PGCKA1: variants seen among roughly 807,000 people sequenced by gnomAD.
PGCKA1 encodes PDCD10 and GCKIII kinases-associated protein 1.
chr4:37,487,718 T>A, the PGCKA1 span, among the ~76,000 whole-genome samples: 1 of 152,172 alleles, frequency 6.6e-6, no homozygotes, highest in Non-Finnish European at 1.5e-5. Context: ...TTTAGCCTGT[T>A]CAAAACTTCA....
the PGCKA1 span, among the ~76,000 whole-genome samples, chr4:37,464,134 GCCC>G: frequency 3.9e-5 from 6 of 152,158 alleles, no homozygotes; most frequent in Non-Finnish European, 8.8e-5. Context: ...GTTTAAGTGA[GCCC>G]TTTGGAAAGA....
the PGCKA1 span, among the ~76,000 whole-genome samples, chr4:37,581,141 C>T: frequency 6.6e-6 from 1 of 151,790 alleles, no homozygotes; most frequent in South Asian, 2.1e-4. This position sits in a 1 kb window ranked among gnomAD's most constrained non-coding sequence, Gnocchi z 4.4. Context: ...GGGCAGTGGA[C>T]TTGCCTGTGG....
At chr4:37,563,612 C>T in the PGCKA1 span, among the ~76,000 whole-genome samples, 2 of 152,170 alleles carry the variant, frequency 1.3e-5, no homozygotes, top group Admixed American at 6.5e-5. Context: ...GGGGAAGACA[C>T]AATTCAGTCC....
the PGCKA1 span, chr4:37,454,060 C>G: frequency 6.5e-6 from 1 of 153,430 alleles, no homozygotes; most frequent in Non-Finnish European, 1.5e-5. Context: ...ATCCCCCGCC[C>G]CGCGCGCGCA....
chr4:37,522,044 A>T, the PGCKA1 span, among the ~76,000 whole-genome samples: 1 of 152,224 alleles, frequency 6.6e-6, no homozygotes, highest in South Asian at 2.1e-4. Flanking sequence ...TCATCCCAAG[A>T]TTCCATTGGG....
At chr4:37,514,125 A>G in the PGCKA1 span, among the ~76,000 whole-genome samples, 1 of 152,196 alleles carries the variant, frequency 6.6e-6, no homozygotes, top group Non-Finnish European at 1.5e-5. Context: ...ATTAGACTTA[A>G]TTTTGAAACC....
chr4:37,480,283 A>G, the PGCKA1 span, among the ~76,000 whole-genome samples: 6 of 152,340 alleles, frequency 3.9e-5, no homozygotes, highest in African/African-American at 1.4e-4. Context: ...ACTTAAGATC[A>G]GGAGTTCGAG....
At chr4:37,517,837 A>G in the PGCKA1 span, among the ~76,000 whole-genome samples, 1 of 152,194 alleles carries the variant, frequency 6.6e-6, no homozygotes, top group Admixed American at 6.5e-5. Flanking sequence ...GTGCTATCAA[A>G]TATTAGGTCT....
At chr4:37,552,970 C>T in the PGCKA1 span, among the ~76,000 whole-genome samples, 1 of 152,180 alleles carries the variant, frequency 6.6e-6, no homozygotes, top group African/African-American at 2.4e-5. Context: ...TCTTTTCTAC[C>T]TTTTTGCTTT....
chr4:37,466,005 T>G, the PGCKA1 span, among the ~76,000 whole-genome samples: 1 of 140,048 alleles, frequency 7.1e-6, no homozygotes, highest in African/African-American at 2.7e-5. Context: ...CTAGGAACAT[T>G]GGGAAGGGTA....
the PGCKA1 span, among the ~76,000 whole-genome samples, chr4:37,570,510 A>G: frequency 6.7e-6 from 1 of 149,750 alleles, no homozygotes; most frequent in South Asian, 2.1e-4. Flanking sequence ...ATTACTGTCT[A>G]TAATGTTGGG....
chr4:37,547,960 CAAAG>C, the PGCKA1 span, among the ~76,000 whole-genome samples: 2 of 51,718 alleles, frequency 3.9e-5, no homozygotes, highest in Non-Finnish European at 7.5e-5. Flanking sequence ...TCCAAAGACA[CAAAG>C]AAAGTTCTCT....
the PGCKA1 span, among the ~76,000 whole-genome samples, chr4:37,531,891 C>CAAAA: frequency 7.1e-5 from 5 of 70,660 alleles, no homozygotes; most frequent in Admixed American, 1.4e-4. Flanking sequence ...GAATCTGTCT[C>CAAAA]AAAAAAAAAA....
At chr4:37,542,007 T>A in the PGCKA1 span, among the ~76,000 whole-genome samples, 1 of 152,086 alleles carries the variant, frequency 6.6e-6, no homozygotes, top group Non-Finnish European at 1.5e-5. Context: ...CTTAATAACC[T>A]CCACCTGGCA....
At chr4:37,525,499 A>T in the PGCKA1 span, among the ~76,000 whole-genome samples, 2 of 95,636 alleles carry the variant, frequency 2.1e-5, no homozygotes, top group Non-Finnish European at 4.3e-5. Flanking sequence ...CATACTTTTA[A>T]ACTGTATTAG....
the PGCKA1 span, among the ~76,000 whole-genome samples, chr4:37,491,159 C>A: frequency 6.6e-6 from 1 of 152,184 alleles, no homozygotes; most frequent in Non-Finnish European, 1.5e-5. Flanking sequence ...CCACTTTCCA[C>A]TCTTTGCCTG....
the PGCKA1 span, among the ~76,000 whole-genome samples, chr4:37,535,103 A>C: frequency 6.6e-6 from 1 of 152,188 alleles, no homozygotes; most frequent in African/African-American, 2.4e-5. Flanking sequence ...TACTTTCCGG[A>C]AGAGGCCAAC....
At chr4:37,480,623 TTC>T in the PGCKA1 span, among the ~76,000 whole-genome samples, 1 of 152,240 alleles carries the variant, frequency 6.6e-6, no homozygotes, top group Non-Finnish European at 1.5e-5. Flanking sequence ...CTTGGAATGT[TTC>T]TGTGTGTGGA....
the PGCKA1 span, among the ~76,000 whole-genome samples, chr4:37,580,789 G>T: frequency 6.6e-6 from 1 of 152,284 alleles, no homozygotes; most frequent in Admixed American, 6.5e-5. Context: ...AGGCCCTAAG[G>T]CTCTACAATC....
Sources: gnomAD v4.1 joint callset for allele counts (sites outside exome capture counted in the v4.1 genomes callset) on GRCh38, gnomAD v4.1.1 for gene constraint, Gnocchi (gnomAD v3.1) non-coding constraint, MANE v1.5 for transcripts, NCBI Gene and HGNC (gene_info 2026-07-23, HGNC 2026-07-21) for gene names.